The following IMMP2L variants were observed in gnomAD, a reference collection of about 807,000 sequenced individuals.
IMMP2L encodes the protein mitochondrial inner membrane protease subunit 2.
IMMP2L carries 18 observed loss-of-function variants against 19.3 expected under a neutral mutation model. The observed-to-expected ratio is 0.93, with a 90% confidence interval of 0.64 to 1.38. IMMP2L has a LOEUF of 1.38. Ranked by LOEUF, IMMP2L falls within the 40% of genes most tolerant of loss-of-function variation. IMMP2L has a pLI of 0.00. For missense variants in IMMP2L, 233 were observed against 218.2 expected, an observed-to-expected ratio of 1.07 and a Z score of -0.43; for synonymous variants, 76 against 73.0, an observed-to-expected ratio of 1.04 and a Z score of -0.21.
chr7:111,431,501 G>A (rs576920288), intron 3 of IMMP2L, among the ~76,000 whole-genome samples: 1 of 151,942 alleles, frequency 6.6e-6, no homozygotes, highest in African/African-American at 2.4e-5. Context: ...AAATATGCAT[G>A]TGCAGAATGC....
Position 111,372,534 on chromosome 7 carries a change from A to C in IMMP2L, c.239+114704T>G, listed in dbSNP as rs183567073. ...CCTTACAAGGAAGCAGATACCAAGGAAGGCAGAGAAGAGAGATGGAGCTGA... is the reference window on the plus strand; with the variant it reads ...CCTTACAAGGAAGCAGATACCAAGGCAGGCAGAGAAGAGAGATGGAGCTGA... On this transcript the variant is annotated intron_variant, in intron 3 of 5. Coordinates refer to ENST00000405709, the MANE Select transcript of IMMP2L (RefSeq NM_032549.4). Among the ~76,000 whole-genome samples the C allele has an allele frequency of 1.6e-4, 24 of 152,140 alleles. 1 individual carries two copies. The East Asian group carries it at 3.5e-3, about 22-fold the overall frequency.
intron 3 of IMMP2L, among the ~76,000 whole-genome samples, chr7:111,241,170 T>G (rs1471136222): frequency 1.3e-5 from 2 of 151,948 alleles, no homozygotes; most frequent in Middle Eastern, 3.2e-3. Flanking sequence ...TTTAAAATGC[T>G]TCTGAATATT....
At chr7:111,176,993 G>T (rs1807137906) in intron 3 of IMMP2L, among the ~76,000 whole-genome samples, 1 of 151,710 alleles carries the variant, frequency 6.6e-6, no homozygotes, top group African/African-American at 2.4e-5. Context: ...ACACTTCATT[G>T]GATGAATACC....
intron 4 of IMMP2L, among the ~76,000 whole-genome samples, chr7:110,910,421 G>C (rs1256642108): frequency 6.6e-6 from 1 of 152,102 alleles, no homozygotes; most frequent in Non-Finnish European, 1.5e-5. Context: ...AATGAATATT[G>C]ATTCAATTCC....
intron 5 of IMMP2L, among the ~76,000 whole-genome samples, chr7:110,692,511 T>G (rs1330525777): frequency 1.3e-5 from 2 of 152,096 alleles, no homozygotes; most frequent in Non-Finnish European, 2.9e-5. Context: ...AAAAAAGCTT[T>G]GCTTGGTAAA....
chr7:110,953,152 T>C (rs1242487287), intron 4 of IMMP2L, among the ~76,000 whole-genome samples: 3 of 152,106 alleles, frequency 2.0e-5, no homozygotes, highest in African/African-American at 2.4e-5. Flanking sequence ...AAATCTGGTA[T>C]AAAATCAACA....
At chr7:111,348,708 GATAGTCTTT>G (rs1487682554) in intron 3 of IMMP2L, among the ~76,000 whole-genome samples, 9 of 152,092 alleles carry the variant, frequency 5.9e-5, no homozygotes, top group Non-Finnish European at 2.9e-5. Flanking sequence ...AGACTTGTGT[GATAGTCTTT>G]AGAAACTGTT....
At chr7:110,945,431 C>T (rs911892957) in intron 4 of IMMP2L, among the ~76,000 whole-genome samples, 3 of 151,856 alleles carry the variant, frequency 2.0e-5, no homozygotes, top group Non-Finnish European at 2.9e-5. Context: ...ATACCCACCT[C>T]GCTTGCTTCT....
At chr7:111,212,922 C>T (rs1022346287) in intron 3 of IMMP2L, among the ~76,000 whole-genome samples, 3 of 152,162 alleles carry the variant, frequency 2.0e-5, no homozygotes, top group African/African-American at 7.2e-5. Context: ...AGTTCTCAAT[C>T]CTCATGACGG....
intron 3 of IMMP2L, among the ~76,000 whole-genome samples, chr7:111,413,855 G>A (rs1834696731): frequency 6.6e-6 from 1 of 151,694 alleles, no homozygotes; most frequent in Non-Finnish European, 1.5e-5. Context: ...AATGCAAGAT[G>A]AAGGAGCTTC....
At chr7:111,261,845 G>T (rs1273822209) in intron 3 of IMMP2L, among the ~76,000 whole-genome samples, 1 of 152,122 alleles carries the variant, frequency 6.6e-6, no homozygotes, top group Admixed American at 6.6e-5. Flanking sequence ...GGTCAGAAAG[G>T]TAAGCAACGA....
intron 3 of IMMP2L, chr7:111,390,601 C>T (rs1312810094): frequency 6.6e-6 from 1 of 152,122 alleles, no homozygotes. Context: ...AAAAAGTGTA[C>T]TTTCCCCTTT....
chr7:111,314,338 A>G (rs1433400037), intron 3 of IMMP2L, among the ~76,000 whole-genome samples: 1 of 152,186 alleles, frequency 6.6e-6, no homozygotes, highest in Admixed American at 6.6e-5. Context: ...AGAATTGTAT[A>G]TAATTTGAAA....
At chr7:111,174,525 G>A (rs182501072) in intron 3 of IMMP2L, among the ~76,000 whole-genome samples, 2 of 151,796 alleles carry the variant, frequency 1.3e-5, no homozygotes, top group East Asian at 1.9e-4. Flanking sequence ...AAGGTTCAGA[G>A]TGGTTACGGG....
chr7:111,214,328 C>CTTTTTTTTTTTTTTTTTT lies in IMMP2L; in HGVS notation c.240-250764_240-250763insAAAAAAAAAAAAAAAAAA, dbSNP rs1484229556. Among the ~76,000 whole-genome samples the CTTTTTTTTTTTTTTTTTT allele has an allele frequency of 7.0e-5, 6 of 85,110 alleles. 2 individuals are homozygous for CTTTTTTTTTTTTTTTTTT. The highest frequency in any genetic ancestry group is 2.6e-4 in the Admixed American group (2 of 7,712). 55.8% of individuals were successfully genotyped at this position (85,110 alleles called of 152,430 possible). A position where few individuals can be genotyped will look rare whatever the true frequency, so the allele number is the denominator to read the frequency against. ...GTGAATGAATGACAAAGTAATTTTT[C>CTTTTTTTTTTTTTTTTTT]TTCTTTTTTTTTTTTTTTTTTTTTT... is the stretch of plus-strand genomic sequence containing the variant. On this transcript the variant is annotated intron_variant, in intron 3 of 5. Coordinates refer to ENST00000405709, the MANE Select transcript of IMMP2L (RefSeq NM_032549.4).
chr7:111,338,648 T>C (rs1182777191), intron 3 of IMMP2L, among the ~76,000 whole-genome samples: 1 of 152,058 alleles, frequency 6.6e-6, no homozygotes, highest in South Asian at 2.1e-4. Flanking sequence ...TCTAGCATCA[T>C]TTAGCCAGAC....
At chr7:111,108,488 C>A (rs895098069) in intron 3 of IMMP2L, among the ~76,000 whole-genome samples, 1 of 151,964 alleles carries the variant, frequency 6.6e-6, no homozygotes, top group African/African-American at 2.4e-5. Context: ...ATATAAAAAT[C>A]AATTGAAAAC....
chr7:110,706,992 TTTTTTTTTTTAA>T (rs1487108651), intron 5 of IMMP2L, among the ~76,000 whole-genome samples: 1 of 8,098 alleles, frequency 1.2e-4, no homozygotes, highest in Non-Finnish European at 4.4e-4. Flanking sequence ...TACACTTAAA[TTTTTTTTTTTAA>T]TTTTTTTTTT....
At chr7:110,929,861 G>A (rs1815275014) in intron 4 of IMMP2L, among the ~76,000 whole-genome samples, 1 of 152,056 alleles carries the variant, frequency 6.6e-6, no homozygotes, top group South Asian at 2.1e-4. Flanking sequence ...AAAGAGAAAT[G>A]TCATGAAATG....
Sources: gnomAD v4.1 joint callset for allele counts (sites outside exome capture counted in the v4.1 genomes callset) on GRCh38, gnomAD v4.1.1 for gene constraint, MANE v1.5 for transcripts, NCBI Gene and HGNC (gene_info 2026-07-23, HGNC 2026-07-21) for gene names.